The following NEB variants were observed in gnomAD, a reference collection of about 807,000 sequenced individuals.
The protein encoded by NEB is nebulin, also known as nemaline myopathy type 2.
NEB carries 512 observed loss-of-function variants against 952.2 expected under a neutral mutation model. The ratio of observed to expected loss-of-function variants is 0.54; its 90% CI spans 0.50 to 0.58. NEB has a LOEUF of 0.58. NEB is among the 20% of genes least tolerant of loss of function. NEB has a pLI of 0.00. For missense variants in NEB, 8,428 were observed against 9,231.1 expected (o/e 0.91, Z 3.56); for synonymous variants, 2,900 against 3,149.8 (o/e 0.92, Z 2.66).
chr2:151,509,348 G>A (rs1416754489), intron 161 of NEB, among the ~76,000 whole-genome samples: 1 of 151,934 alleles, frequency 6.6e-6, no homozygotes, highest in Non-Finnish European at 1.5e-5. Context: ...CATTGTCCTG[G>A]GAAAAGAATA....
At chr2:151,694,925 C>T (rs987454744) in intron 18 of NEB, among the ~76,000 whole-genome samples, 6 of 152,124 alleles carry the variant, frequency 3.9e-5, no homozygotes, top group Non-Finnish European at 8.8e-5. Context: ...ATATATTCTA[C>T]AGTTAACTTA....
intron 5 of NEB, among the ~76,000 whole-genome samples, chr2:151,727,036 A>G (rs1213020569): frequency 6.6e-6 from 1 of 151,140 alleles, no homozygotes; most frequent in Non-Finnish European, 1.5e-5. Context: ...TGGGCTACAG[A>G]GAAAGATTCT....
intron 171 of NEB, 76 bp downstream of exon 171, chr2:151,497,550 A>G: frequency 6.6e-7 from 1 of 1,523,682 alleles, no homozygotes; most frequent in African/African-American, 1.4e-5. Context: ...AAGTAGGATT[A>G]ATACGTATTA....
Position 151,625,482 on chromosome 2 carries a change from A to G in NEB, c.10452+52T>C, listed in dbSNP as rs2098505309. On this transcript the variant is annotated intron_variant, in intron 71 of 181. Coordinates refer to ENST00000397345, the MANE Select transcript of NEB (RefSeq NM_001164508.2). The stretch of plus-strand genomic sequence containing the variant: ...AATTTCATAATTCTCACATTCCTAC[A>G]TCGGCAACAATCAATGTGGCCAGAC... 6.7e-6 allele frequency: 9 copies of G among 1,344,086 alleles called. No individual in the cohort carries two copies. The South Asian group carries it at 8.7e-5, about 13-fold the overall frequency. 83.3% of individuals were successfully genotyped at this position (1,344,086 alleles called of 1,614,324 possible). A position where few individuals can be genotyped will look rare whatever the true frequency, so the allele number is the denominator to read the frequency against.
intron 68 of NEB, among the ~76,000 whole-genome samples, chr2:151,629,086 G>A (rs950496387): frequency 6.6e-6 from 1 of 152,114 alleles, no homozygotes; most frequent in African/African-American, 2.4e-5. Flanking sequence ...AAAAAAATGA[G>A]TTGGCAAAAA....
At chr2:151,541,900 A>G (rs953921899) in intron 135 of NEB, among the ~76,000 whole-genome samples, 29 of 152,244 alleles carry the variant, frequency 1.9e-4, no homozygotes, top group Non-Finnish European at 3.8e-4. Flanking sequence ...TTCACCTGCA[A>G]ACAGACTCAA....
chr2:151,639,372 C>G lies in NEB; in HGVS notation c.8902G>C (p.Glu2968Gln). 6.5e-7 allele frequency: 1 copy of G among 1,543,708 alleles called. No homozygotes were observed. Among genetic ancestry groups the G allele is most frequent in the South Asian group, 1.2e-5 (1 of 83,804 alleles). ...TGAGTCTTGTCTTTGTCCCAGGCTT[C>G]TGTGTATAAACGCTATCAAAAAAAA... Reference protein sequence around the residue: ...AITMNKRLYTEAWDKDKTQIH... With the variant: ...AITMNKRLYTQAWDKDKTQIH... The change falls in exon 63 of 182, where the codon GAA (glutamate) becomes CAA (glutamine). Residue 2968 changes from glutamate (E) to glutamine (Q), a missense_variant. Physicochemically the swap from Glu to Gln is conservative, Grantham distance 29. This residue lies in a region of NEB where 1,772 missense variants were observed against 1,960.3 expected (regional missense o/e 0.90). Coordinates refer to ENST00000397345, the MANE Select transcript of NEB (RefSeq NM_001164508.2).
chr2:151,541,103 C>T (rs1224555692), intron 136 of NEB, among the ~76,000 whole-genome samples: 1 of 152,092 alleles, frequency 6.6e-6, no homozygotes, highest in Non-Finnish European at 1.5e-5. Flanking sequence ...GACCCCTCAA[C>T]ATATTTTCCC....
chr2:151,620,206 ATAGG>A (rs1411025863), intron 72 of NEB, among the ~76,000 whole-genome samples: 11 of 151,568 alleles, frequency 7.3e-5, no homozygotes, highest in South Asian at 4.2e-4. Flanking sequence ...CTGTTATTTA[ATAGG>A]TAGAGAGTTT....
At chr2:151,494,896 C>T (rs1488387825) in intron 173 of NEB, 1 of 152,848 alleles carries the variant, frequency 6.5e-6, no homozygotes, top group East Asian at 1.9e-4. Context: ...GATCCGCCCA[C>T]CTTGGCCTCC....
intron 54 of NEB, among the ~76,000 whole-genome samples, chr2:151,648,457 T>A (rs2098989893): frequency 6.6e-6 from 1 of 152,250 alleles, no homozygotes; most frequent in Non-Finnish European, 1.5e-5. Flanking sequence ...AAAATTTTTT[T>A]ATTTCCATAT....
At position 151,529,276 on chromosome 2, in the gene NEB, G is replaced by T; in HGVS notation, c.21669C>A (p.Asn7223Lys). 6 of 1,613,526 alleles carry T rather than the reference G, an allele frequency of 3.7e-6. No individual in the cohort carries two copies. The highest frequency in any genetic ancestry group is 5.1e-6 in the Non-Finnish European group (6 of 1,179,462). The part of the protein sequence containing the change: ...YKEVYQRNKS[N>K]CTIEPDAVHI... ...GAACAGCATCTGGCTCAATGGTGCA[G>T]TTGGATTTATTTCTTTGGTATACTT... Residue 7223 changes from asparagine to lysine, a missense_variant, in exon 146 of 182, where the codon AAC (asparagine) becomes AAA (lysine). Physicochemically the swap from Asn to Lys is moderately conservative, Grantham distance 94. Transcript: ENST00000397345.
At chr2:151,666,448 T>G in intron 40 of NEB, 47 bp from the exon 41 acceptor site, 1 of 1,540,890 alleles carries the variant, frequency 6.5e-7, no homozygotes, top group Non-Finnish European at 8.8e-7. Flanking sequence ...CATAGAAGTC[T>G]GATATAAACT....
intron 65 of NEB, among the ~76,000 whole-genome samples, chr2:151,633,244 T>A (rs969453905): frequency 2.0e-5 from 3 of 152,242 alleles, no homozygotes; most frequent in Non-Finnish European, 2.9e-5. Flanking sequence ...ACACAGAGAC[T>A]TCTTTTATTT....
intron 27 of NEB, among the ~76,000 whole-genome samples, chr2:151,685,779 T>C (rs2099493026): frequency 6.6e-6 from 1 of 152,186 alleles, no homozygotes; most frequent in South Asian, 2.1e-4. Context: ...CAGAAAAATG[T>C]TGACCCACTG....
chr2:151,514,126 T>TA (rs2076291951), intron 159 of NEB, among the ~76,000 whole-genome samples, 192 bp downstream of exon 159: 1 of 152,246 alleles, frequency 6.6e-6, no homozygotes, highest in African/African-American at 2.4e-5. Flanking sequence ...AACACACTGT[T>TA]ACAATATCCA....
chr2:151,622,030 G>C (rs1051511208), intron 71 of NEB, among the ~76,000 whole-genome samples: 14 of 151,636 alleles, frequency 9.2e-5, no homozygotes, highest in Non-Finnish European at 1.3e-4. Flanking sequence ...TTTGTTTTTT[G>C]AGACAGTCTC....
Position 151,493,397 on chromosome 2 carries a change from G to A in NEB, c.24721C>T (p.Pro8241Ser), listed in dbSNP as rs1296769960. The change falls in exon 176 of 182, where the codon CCA becomes TCA. Residue 8241 changes from proline (P) to serine (S), a missense_variant. Pro to Ser is a moderately conservative substitution (Grantham distance 74, BLOSUM62 -1). Coordinates refer to ENST00000397345, the MANE Select transcript of NEB (RefSeq NM_001164508.2). ...TTGCGCTTAGCTCTCTCCATCTCTG[G>A]AGTAACAGGTGTCGGAGTTGCTTTT... ...MRKATPTPVT[P>S]EMERAKRNQE... 2 of 1,611,124 alleles carry A rather than the reference G, an allele frequency of 1.2e-6. No individual in the cohort carries two copies. The highest frequency in any genetic ancestry group is 1.1e-5 in the South Asian group (1 of 90,116).
chr2:151,514,473 A>G, intron 158 of NEB, 45 bp from the exon 159 acceptor site: 1 of 1,388,966 alleles, frequency 7.2e-7, no homozygotes, highest in Non-Finnish European at 1.0e-6. Context: ...GAAAGCCCAG[A>G]TTGATTCTCT....
Sources: gnomAD v4.1 joint callset for allele counts (sites outside exome capture counted in the v4.1 genomes callset) on GRCh38, gnomAD v4.1.1 for gene constraint, gnomAD v4.1.1 regional missense constraint, MANE v1.5 for transcripts, NCBI Gene and HGNC (gene_info 2026-07-23, HGNC 2026-07-21) for gene names.